GRIA4: variants seen among roughly 807,000 people sequenced by gnomAD.
GRIA4 encodes the protein glutamate ionotropic receptor AMPA type subunit 4.
GRIA4 carries 34 observed loss-of-function variants against 104.0 expected under a neutral mutation model. The observed-to-expected ratio is 0.33, with a 90% CI of 0.25 to 0.44. The LOEUF (loss-of-function observed/expected upper bound fraction) is 0.44. Among genes scored for constraint, GRIA4 ranks in the 20% least tolerant of loss-of-function variants. The pLI, the probability that GRIA4 is intolerant of heterozygous loss-of-function variation, is 1.00. For synonymous variants in GRIA4, 386 were observed against 381.9 expected (o/e 1.01, Z -0.13); for missense variants, 750 against 1,096.5 (o/e 0.68, Z 4.46).
intron 6 of GRIA4, among the ~76,000 whole-genome samples, chr11:105,888,281 T>C (rs1057040880): frequency 1.4e-4 from 15 of 109,640 alleles, no homozygotes; most frequent in African/African-American, 5.0e-4. Context: ...CTTTTTTTTT[T>C]TTTTTTTTTT....
intron 5 of GRIA4, among the ~76,000 whole-genome samples, chr11:105,865,547 A>G (rs1945374883): frequency 6.6e-6 from 1 of 152,200 alleles, no homozygotes; most frequent in Admixed American, 6.5e-5. Flanking sequence ...TCCTATAACA[A>G]AAATATCAAT....
intron 14 of GRIA4, among the ~76,000 whole-genome samples, chr11:105,949,477 A>T (rs1591478234): frequency 1.3e-5 from 2 of 152,298 alleles, no homozygotes; most frequent in East Asian, 3.9e-4. Flanking sequence ...ACCCTAAAAC[A>T]CAGTTGTTAC....
At chr11:105,757,615 T>C (rs1351580695) in intron 4 of GRIA4, among the ~76,000 whole-genome samples, 1 of 152,106 alleles carries the variant, frequency 6.6e-6, no homozygotes, top group African/African-American at 2.4e-5. Context: ...GAGACAAATA[T>C]GCAGACCTCC....
intron 4 of GRIA4, among the ~76,000 whole-genome samples, chr11:105,830,302 T>C (rs1175241283): frequency 6.6e-6 from 1 of 152,026 alleles, no homozygotes; most frequent in Non-Finnish European, 1.5e-5. Flanking sequence ...TGGCTTGGTC[T>C]CAAAGATGAT....
intron 11 of GRIA4, among the ~76,000 whole-genome samples, chr11:105,919,413 C>A (rs1274021680): frequency 6.6e-6 from 1 of 152,062 alleles, no homozygotes; most frequent in African/African-American, 2.4e-5. Flanking sequence ...ATTAAATATT[C>A]ATCAATAATG....
intron 4 of GRIA4, among the ~76,000 whole-genome samples, chr11:105,838,495 G>C (rs1944274669): frequency 6.6e-6 from 1 of 152,164 alleles, no homozygotes. Flanking sequence ...GCCAACATTT[G>C]AAAAGTTATT....
In GRIA4 at chr11:105,629,078, C is replaced by CAAAA. The variant is rs33935142; in HGVS notation, c.247+16658_247+16661dup. Among the ~76,000 whole-genome samples, 1,165 of 132,032 alleles carry CAAAA rather than the reference C, an allele frequency of 8.8e-3. 10 individuals carry two copies. The highest frequency in any genetic ancestry group is 0.013 in the Non-Finnish European group (815 of 63,268). The allele number at this position is 132,032 out of a possible 152,430, so 86.6% of individuals were successfully genotyped here. ...AGATGGTGTGAAACCACTTCTCCAC[C>CAAAA]AAAAAAAAAAAAAAAAATTAGCGTG... On this transcript the variant is annotated intron_variant, in intron 3 of 16. Transcript: ENST00000282499.
At chr11:105,862,346 C>A (rs2136022015) in intron 5 of GRIA4, 138 bp downstream of exon 5, 1 of 601,346 alleles carries the variant, frequency 1.7e-6, no homozygotes, top group Admixed American at 3.1e-5. Flanking sequence ...CCATGACTAT[C>A]TTCAGGACCA....
In GRIA4 at chr11:105,874,700, A is replaced by C. The variant is rs545860120; in HGVS notation, c.672+12492A>C. On this transcript the variant is annotated intron_variant, in intron 5 of 16. Coordinates refer to ENST00000282499, the MANE Select transcript of GRIA4 (RefSeq NM_000829.4). ...TAGCAATTGTGAATGGGCGTTCACT[A>C]TTGATTTGGCTGTTTGTCTATTATT... 1.7e-3 allele frequency among the ~76,000 whole-genome samples: 260 copies of C among 152,062 alleles called. 1 individual carries two copies. Among genetic ancestry groups the C allele is most frequent in the African/African-American group, 6.0e-3 (250 of 41,528 alleles).
chr11:105,843,414 T>C (rs2135965727), intron 4 of GRIA4, among the ~76,000 whole-genome samples: 1 of 152,342 alleles, frequency 6.6e-6, no homozygotes, highest in South Asian at 2.1e-4. Flanking sequence ...ATTCAATATA[T>C]AACTTATTAG....
At chr11:105,939,919 T>C (rs1948141029) in intron 14 of GRIA4, among the ~76,000 whole-genome samples, 1 of 152,120 alleles carries the variant, frequency 6.6e-6, no homozygotes, top group African/African-American at 2.4e-5. Context: ...GAGGAACCAT[T>C]ACCTTCTTCT....
intron 4 of GRIA4, among the ~76,000 whole-genome samples, chr11:105,766,508 T>C (rs892907525): frequency 8.5e-5 from 13 of 152,202 alleles, no homozygotes; most frequent in Non-Finnish European, 1.6e-4. Flanking sequence ...ATAATTGCAA[T>C]GTAGTAACAT....
At chr11:105,725,762 A>C (rs1591146464) in intron 3 of GRIA4, among the ~76,000 whole-genome samples, 1 of 152,074 alleles carries the variant, frequency 6.6e-6, no homozygotes, top group Admixed American at 6.6e-5. Flanking sequence ...AAGCAGGATG[A>C]GGCATCACCT....
At chr11:105,745,744 G>A (rs17104511) in intron 3 of GRIA4, among the ~76,000 whole-genome samples, 1,637 of 152,166 alleles carry the variant, frequency 0.011, 27 homozygotes, top group African/African-American at 0.037. Flanking sequence ...GAGGACTTTC[G>A]CAATCAAGGC....
intron 12 of GRIA4, 119 bp from the exon 13 acceptor site, chr11:105,926,622 A>T: frequency 1.5e-6 from 1 of 679,394 alleles, no homozygotes; most frequent in Non-Finnish European, 2.6e-6. Context: ...ACTCTCAGAA[A>T]ATAAAACAAT....
intron 5 of GRIA4, among the ~76,000 whole-genome samples, chr11:105,882,501 T>C (rs1946103574): frequency 6.6e-6 from 1 of 152,234 alleles, no homozygotes. Flanking sequence ...AAGTCTCAAA[T>C]TGACCTTAAT....
intron 5 of GRIA4, among the ~76,000 whole-genome samples, chr11:105,876,961 C>T (rs1284757653): frequency 6.6e-6 from 1 of 152,170 alleles, no homozygotes; most frequent in African/African-American, 2.4e-5. Context: ...CATTATGATG[C>T]TAGCTGATTA....
chr11:105,735,883 C>T (rs1591166769), intron 3 of GRIA4, among the ~76,000 whole-genome samples: 1 of 152,010 alleles, frequency 6.6e-6, no homozygotes, highest in Admixed American at 6.6e-5. Context: ...TTAAGAGCAC[C>T]AGGTTAAAAT....
rs532602932 is a variant in GRIA4, at chr11:105,742,563, T to C, written c.248-10418T>C. On this transcript the variant is annotated intron_variant, in intron 3 of 16. Transcript: ENST00000282499. ...ATTTATACACACACACACACACATA[T>C]ACATGTGTGTATATATATACAAGTG... is the stretch of plus-strand genomic sequence containing the variant. Among the ~76,000 whole-genome samples the C allele has an allele frequency of 2.4e-4, 36 of 151,560 alleles. No homozygotes were observed. In the East Asian group the frequency reaches 5.8e-3, roughly 25 times the overall value.
Sources: allele counts gnomAD v4.1 joint callset (sites outside exome capture counted in the v4.1 genomes callset), GRCh38; gene constraint gnomAD v4.1.1; transcripts MANE v1.5; gene names NCBI Gene and HGNC (gene_info 2026-07-23, HGNC 2026-07-21).